The following LOXHD1 variants were observed in gnomAD, a reference collection of about 807,000 sequenced individuals.
LOXHD1 encodes lipoxygenase homology PLAT domains 1.
LOXHD1 carries 205 observed loss-of-function variants against 248.2 expected under a neutral mutation model. The ratio of observed to expected loss-of-function variants is 0.83; its 90% confidence interval spans 0.74 to 0.93. The LOEUF (loss-of-function observed/expected upper bound fraction) is 0.93, where lower values mean the gene tolerates loss of function less well. Among genes scored for constraint, LOXHD1 ranks in the 40% least tolerant of loss-of-function variants. LOXHD1 has a pLI of 0.00. For synonymous variants in LOXHD1, 1,113 were observed against 1,162.8 expected, an observed-to-expected ratio of 0.96 and a Z score of 0.87; for missense variants, 2,930 against 2,971.6, an observed-to-expected ratio of 0.99 and a Z score of 0.33.
chr18:46,640,470 A>G, intron 3 of LOXHD1, among the ~76,000 whole-genome samples: 1 of 152,204 alleles, frequency 6.6e-6, no homozygotes, highest in Middle Eastern at 3.2e-3. Flanking sequence ...TAGACATAAC[A>G]TGAGTCACAC....
rs188159512 is a variant in LOXHD1, at chr18:46,493,185, A to G, written c.5879-4043T>C. Among the ~76,000 whole-genome samples the G allele has an allele frequency of 7.2e-5, 11 of 152,308 alleles. No individual in the cohort carries two copies. The East Asian group carries it at 2.1e-3, about 29-fold the overall frequency. On this transcript the variant is annotated intron_variant, in intron 37 of 40. Coordinates refer to ENST00000642948, the MANE Select transcript of LOXHD1 (RefSeq NM_001384474.1). ...CCCTCTCTTTTCTTAGAAACTTTGC[A>G]TCTACCATTCTGTCTGTTTGGAACT...
rs1374658182 is a variant in LOXHD1, at chr18:46,601,420, C to G, written c.931G>C (p.Gly311Arg). Residue 311 changes from glycine (G) to arginine (R), a missense_variant, in exon 8 of 41, where the codon GGT (glycine) becomes CGT (arginine). Coordinates refer to ENST00000642948, the MANE Select transcript of LOXHD1 (RefSeq NM_001384474.1). ...ACCAAGTAGATTTTGGATTTGGTAC[C>G]AGCCCCCCGGACATCCCCAGTGAAG... ...TVFTGDVRGA[G>R]TKSKIYLVMY... 2 of 1,551,590 alleles carry G rather than the reference C, an allele frequency of 1.3e-6. No individual in the cohort carries two copies. Among genetic ancestry groups the G allele is most frequent in the African/African-American group, 2.7e-5 (2 of 73,034 alleles).
rs756242236 is a variant in LOXHD1, at chr18:46,534,411, C to T, written c.4136G>A (p.Gly1379Asp). The change falls in exon 27 of 41, where the codon GGC becomes GAC. Residue 1379 changes from glycine (G) to aspartate (D), a missense_variant. Gly to Asp is a moderately conservative substitution (Grantham distance 94). Transcript: ENST00000642948. ...AGGATTCATGCCCGTGTTATTATGG[C>T]CAATCCGAATTTTTTCAATGATTTC... ...VGEIIEKIRI[G>D]HNNTGMNPGW... is the part of the protein sequence containing the mutation. 8 of 1,551,656 alleles carry T rather than the reference C, an allele frequency of 5.2e-6. No homozygotes were observed. Among genetic ancestry groups the T allele is most frequent in the Non-Finnish European group, 7.0e-6 (8 of 1,146,966 alleles).
chr18:46,542,783 A>T lies in LOXHD1; in HGVS notation c.3692T>A (p.Val1231Glu). The change falls in exon 24 of 41, where the codon GTG becomes GAG. Residue 1231 changes from valine (V) to glutamate (E), a missense_variant. Physicochemically the swap from Val to Glu is moderately radical, Grantham distance 121. Coordinates refer to ENST00000642948, the MANE Select transcript of LOXHD1 (RefSeq NM_001384474.1). ...FERDSIEIFT[V>E]ETLDLGDLWK... ...CAGGTCTCCCAGATCCAGCGTCTCC[A>T]CCGTGAAGATTTCAATGCTGTCCCT... 1 of 1,551,712 alleles carries T rather than the reference A, an allele frequency of 6.4e-7. No homozygotes were observed. Among genetic ancestry groups the T allele is most frequent in the Non-Finnish European group, 8.7e-7 (1 of 1,146,996 alleles).
At chr18:46,505,214 C>A (rs2034484845) in intron 37 of LOXHD1, among the ~76,000 whole-genome samples, 1 of 151,264 alleles carries the variant, frequency 6.6e-6, no homozygotes, top group Non-Finnish European at 1.5e-5. Context: ...CAGGTTCTCA[C>A]TCTGTCATCC....
chr18:46,636,006 T>C (rs974013455), intron 4 of LOXHD1, among the ~76,000 whole-genome samples: 4 of 152,154 alleles, frequency 2.6e-5, no homozygotes, highest in Non-Finnish European at 5.9e-5. Context: ...TCCTGCTTGA[T>C]GTCTTGAAGA....
intron 24 of LOXHD1, 142 bp downstream of exon 24, chr18:46,542,585 C>CTGGG: frequency 9.7e-7 from 1 of 1,034,458 alleles, no homozygotes; most frequent in South Asian, 1.6e-5. Context: ...CTCGGCTCTA[C>CTGGG]TGGGCTAAAG....
intron 23 of LOXHD1, among the ~76,000 whole-genome samples, 159 bp from the exon 24 acceptor site, chr18:46,543,014 G>C (rs547612018): frequency 6.6e-6 from 1 of 152,144 alleles, no homozygotes; most frequent in Admixed American, 6.5e-5. Context: ...TTGCACAGTG[G>C]GCATTTTAAA....
intron 23 of LOXHD1, chr18:46,544,963 C>G (rs1345494529): frequency 1.0e-5 from 5 of 482,756 alleles, no homozygotes; most frequent in African/African-American, 2.0e-5. Flanking sequence ...TAAACACCAC[C>G]TTCTCTGAGT....
intron 34 of LOXHD1, among the ~76,000 whole-genome samples, chr18:46,510,589 T>TAA (rs2034899813): frequency 2.6e-5 from 4 of 152,260 alleles, no homozygotes; most frequent in Admixed American, 2.6e-4. Context: ...GCCCTCGGGG[T>TAA]AATGCAGGTG....
intron 21 of LOXHD1, among the ~76,000 whole-genome samples, chr18:46,554,771 T>C (rs989185329): frequency 6.6e-6 from 1 of 152,126 alleles, no homozygotes; most frequent in African/African-American, 2.4e-5. Flanking sequence ...ATAATATACC[T>C]GGGCATAAAC....
At chr18:46,559,623 A>C in intron 19 of LOXHD1, 21 bp from the exon 20 acceptor site, 6 of 1,550,418 alleles carry the variant, frequency 3.9e-6, no homozygotes, top group Non-Finnish European at 5.2e-6. Flanking sequence ...AGAAAGATGC[A>C]GTGTGGAGGG....
intron 4 of LOXHD1, among the ~76,000 whole-genome samples, chr18:46,637,631 A>AAC (rs142031769): frequency 1.5e-4 from 22 of 151,676 alleles, no homozygotes; most frequent in East Asian, 5.8e-4. Flanking sequence ...CTCACACACA[A>AAC]ACACACACAC....
intron 20 of LOXHD1, chr18:46,557,832 C>T (rs2037406212): frequency 7.8e-7 from 1 of 1,286,790 alleles, no homozygotes; most frequent in Non-Finnish European, 1.0e-6. Context: ...GAGGGGGGTG[C>T]ACTGAAACCC....
intron 17 of LOXHD1, among the ~76,000 whole-genome samples, chr18:46,565,709 C>T (rs899318533): frequency 6.6e-6 from 1 of 152,102 alleles, no homozygotes; most frequent in African/African-American, 2.4e-5. Flanking sequence ...ACTTATAATA[C>T]CTAATACAAG....
At chr18:46,545,892 G>A (rs977814445) in intron 22 of LOXHD1, among the ~76,000 whole-genome samples, 1 of 151,644 alleles carries the variant, frequency 6.6e-6, no homozygotes, top group East Asian at 1.9e-4. Context: ...GCCTCCCAAA[G>A]TGCTGGGATT....
In LOXHD1 at chr18:46,647,258, A is replaced by G. The variant is rs576889575; in HGVS notation, c.245+1897T>C. On this transcript the variant is annotated intron_variant, in intron 2 of 40. Coordinates refer to ENST00000642948, the MANE Select transcript of LOXHD1 (RefSeq NM_001384474.1). ...ATGCCCTAGACCCCCTTCAGACCCC[A>G]TGAGAGGGAAGGCTGGAACCCGAAC... Among the ~76,000 whole-genome samples the G allele has an allele frequency of 2.6e-5, 4 of 152,240 alleles. No homozygotes were observed. The South Asian group carries it at 6.2e-4, about 24-fold the overall frequency.
intron 31 of LOXHD1, 31 bp downstream of exon 31, chr18:46,524,435 C>G: frequency 6.5e-7 from 1 of 1,541,010 alleles, no homozygotes; most frequent in East Asian, 2.5e-5. Context: ...TGTGCCTGGC[C>G]CCCGTCCAAA....
chr18:46,534,617 C>T lies in LOXHD1; in HGVS notation c.4096-166G>A, dbSNP rs9967253. On this transcript the variant is annotated intron_variant, in intron 26 of 40. Coordinates refer to ENST00000642948, the MANE Select transcript of LOXHD1 (RefSeq NM_001384474.1). ...CAGCTCCCATTGTCCTTGACACACA[C>T]GCCATGCTTATGCCTCATGTCCCCT... Among the ~76,000 whole-genome samples the T allele has an allele frequency of 0.18, 27,815 of 152,142 alleles. 2,747 individuals carry two copies. Among genetic ancestry groups the T allele is most frequent in the African/African-American group, 0.24 (9,838 of 41,480 alleles).
Sources: allele counts gnomAD v4.1 joint callset (sites outside exome capture counted in the v4.1 genomes callset), GRCh38; gene constraint gnomAD v4.1.1; transcripts MANE v1.5; gene names NCBI Gene and HGNC (gene_info 2026-07-23, HGNC 2026-07-21).